PRKCB: variants seen among roughly 807,000 people sequenced by gnomAD.
The protein encoded by PRKCB is protein kinase C beta.
PRKCB carries 13 observed loss-of-function variants against 81.5 expected under a neutral mutation model. That is an observed-to-expected ratio of 0.16 (90% CI 0.10 to 0.25). The LOEUF is 0.25. Among genes scored for constraint, PRKCB ranks in the 10% least tolerant of loss-of-function variants. The pLI is 1.00. For synonymous variants in PRKCB, 335 were observed against 321.4 expected, an observed-to-expected ratio of 1.04 and a Z score of -0.45; for missense variants, 509 against 875.7, an observed-to-expected ratio of 0.58 and a Z score of 5.29.
At chr16:24,010,939 A>C (rs1039934337) in intron 3 of PRKCB, among the ~76,000 whole-genome samples, 3 of 152,086 alleles carry the variant, frequency 2.0e-5, no homozygotes, top group Admixed American at 6.6e-5. Flanking sequence ...ATCACGGCTC[A>C]CTGCAGCCTC....
chr16:24,084,883 G>T (rs997179339), intron 5 of PRKCB, among the ~76,000 whole-genome samples: 1 of 152,108 alleles, frequency 6.6e-6, no homozygotes, highest in African/African-American at 2.4e-5. Flanking sequence ...TGCTGTGGTT[G>T]GAGATCATGG....
chr16:24,187,369 A>T (rs1391440496), intron 15 of PRKCB, among the ~76,000 whole-genome samples: 1 of 152,194 alleles, frequency 6.6e-6, no homozygotes, highest in Non-Finnish European at 1.5e-5. Flanking sequence ...AAGTTGTTTG[A>T]CGGCATCTGC....
intron 5 of PRKCB, among the ~76,000 whole-genome samples, chr16:24,049,482 A>T (rs145334827): frequency 7.8e-6 from 1 of 127,850 alleles, no homozygotes; most frequent in Non-Finnish European, 1.8e-5. Flanking sequence ...ACCTGGCACA[A>T]CCAGGACATG....
chr16:24,020,976 T>TCTC, intron 3 of PRKCB, among the ~76,000 whole-genome samples: 1 of 96,740 alleles, frequency 1.0e-5, no homozygotes, highest in South Asian at 4.6e-4. Context: ...AGACTTTTCT[T>TCTC]TTTCTTTCTT....
intron 2 of PRKCB, among the ~76,000 whole-genome samples, chr16:23,931,729 G>T (rs2141756738): frequency 6.6e-6 from 1 of 152,254 alleles, no homozygotes; most frequent in East Asian, 1.9e-4. Flanking sequence ...CTTCTGGCCT[G>T]CTGGGTCTTG....
At chr16:24,173,426 GCTTGGTGGCTCCTA>G (rs1013707986) in intron 11 of PRKCB, among the ~76,000 whole-genome samples, 3 of 152,084 alleles carry the variant, frequency 2.0e-5, no homozygotes, top group African/African-American at 7.2e-5. Context: ...CATACTAGAG[GCTTGGTGGCTCCTA>G]CCCAGTTCAG....
At chr16:24,140,765 T>A (rs1966890739) in intron 9 of PRKCB, among the ~76,000 whole-genome samples, 1 of 152,212 alleles carries the variant, frequency 6.6e-6, no homozygotes, top group South Asian at 2.1e-4. Flanking sequence ...GTCTTGTGAC[T>A]TCTGGAATAA....
At chr16:23,924,193 C>G (rs1017554492) in intron 2 of PRKCB, among the ~76,000 whole-genome samples, 1 of 152,114 alleles carries the variant, frequency 6.6e-6, no homozygotes, top group African/African-American at 2.4e-5. Flanking sequence ...GGGGCTCCTC[C>G]CCCTTCACTC....
intron 5 of PRKCB, among the ~76,000 whole-genome samples, chr16:24,053,250 G>T (rs541417553): frequency 6.6e-6 from 1 of 152,234 alleles, no homozygotes; most frequent in Non-Finnish European, 1.5e-5. Context: ...ATTTGTCAGA[G>T]AACAAGCCAA....
chr16:24,046,168 T>A (rs1229295658), intron 5 of PRKCB, among the ~76,000 whole-genome samples: 1 of 152,252 alleles, frequency 6.6e-6, no homozygotes, highest in Non-Finnish European at 1.5e-5. Context: ...TTCCTAGTCA[T>A]TAGCCTCTGT....
chr16:23,865,149 C>T (rs1281431206), intron 2 of PRKCB, among the ~76,000 whole-genome samples: 1 of 152,076 alleles, frequency 6.6e-6, no homozygotes, highest in African/African-American at 2.4e-5. Flanking sequence ...TGACTATGAA[C>T]ACCTCTATGC....
At chr16:24,017,070 T>C (rs1420544791) in intron 3 of PRKCB, among the ~76,000 whole-genome samples, 1 of 152,040 alleles carries the variant, frequency 6.6e-6, no homozygotes, top group Non-Finnish European at 1.5e-5. Flanking sequence ...AAGAAAAATT[T>C]GAAAGTAAGC....
intron 2 of PRKCB, among the ~76,000 whole-genome samples, chr16:23,862,542 A>G (rs1454262818): frequency 2.0e-5 from 3 of 152,072 alleles, no homozygotes; most frequent in East Asian, 3.9e-4. Context: ...CCAAGTTTCA[A>G]CCTCTCTGCA....
intron 2 of PRKCB, among the ~76,000 whole-genome samples, chr16:23,856,076 C>T (rs3826262): frequency 0.64 from 97,311 of 152,008 alleles, 31,254 homozygotes; most frequent in Admixed American, 0.68. Flanking sequence ...TAGTTACTAT[C>T]CAGATTCATA....
intron 2 of PRKCB, among the ~76,000 whole-genome samples, chr16:23,964,972 A>G (rs4238948): frequency 0.33 from 49,431 of 152,036 alleles, 8,413 homozygotes; most frequent in East Asian, 0.49. Context: ...GCCTGGTCTC[A>G]TGAGTCTTGT....
At chr16:24,209,012 G>C (rs1332172020) in intron 16 of PRKCB, among the ~76,000 whole-genome samples, 10 of 152,140 alleles carry the variant, frequency 6.6e-5, no homozygotes, top group African/African-American at 2.2e-4. Flanking sequence ...GGAGTGGGGA[G>C]AGGGAGGGGG....
intron 16 of PRKCB, chr16:24,191,465 T>A (rs198146): frequency 0.39 from 167,202 of 425,272 alleles, 33,975 homozygotes; most frequent in African/African-American, 0.52. Flanking sequence ...TTTTTGTTTC[T>A]TCGATTCAAT....
At chr16:24,011,726 G>A (rs539741696) in intron 3 of PRKCB, among the ~76,000 whole-genome samples, 4 of 151,976 alleles carry the variant, frequency 2.6e-5, no homozygotes, top group South Asian at 4.2e-4. Flanking sequence ...TATGTTGCCC[G>A]GATGGGTCTT....
At chr16:23,894,538 A>G (rs929356168) in intron 2 of PRKCB, among the ~76,000 whole-genome samples, 5 of 152,128 alleles carry the variant, frequency 3.3e-5, no homozygotes, top group African/African-American at 1.2e-4. Context: ...ATTGCTTTTG[A>G]AGAGTACATG....
Sources: allele counts gnomAD v4.1 joint callset (sites outside exome capture counted in the v4.1 genomes callset), GRCh38; gene constraint gnomAD v4.1.1; transcripts MANE v1.5; gene names NCBI Gene and HGNC (gene_info 2026-07-23, HGNC 2026-07-21).